Variants in MOSMO observed in about 807,000 individuals in gnomAD.
MOSMO encodes modulator of smoothened protein.
MOSMO carries 5 observed loss-of-function variants against 18.4 expected under a neutral mutation model. That is an observed-to-expected ratio of 0.27 (90% CI 0.14 to 0.57). The LOEUF (loss-of-function observed/expected upper bound fraction) is 0.57, where lower values mean the gene tolerates loss of function less well. MOSMO is among the 20% of genes least tolerant of loss of function. MOSMO has a pLI of 0.92. For synonymous variants in MOSMO, 82 were observed against 82.3 expected, an observed-to-expected ratio of 1.00 and a Z score of 0.02; for missense variants, 138 against 211.8, an observed-to-expected ratio of 0.65 and a Z score of 2.16.
chr16:22,008,277 G>C lies in MOSMO; in HGVS notation c.-25G>C. ...AGGCCGCTGCCTGTCCGGGGCTCGGGGGGTGGGGGGAGCGGGGCGGGGAGA... is the reference window on the plus strand; with the variant it reads ...AGGCCGCTGCCTGTCCGGGGCTCGGCGGGTGGGGGGAGCGGGGCGGGGAGA... On this transcript the variant is annotated 5_prime_UTR_variant, in exon 1 of 3. Coordinates refer to ENST00000542527, the MANE Select transcript of MOSMO (RefSeq NM_001164579.2). The C allele has an allele frequency of 6.8e-7, 1 of 1,469,426 alleles. No homozygotes were observed. The highest frequency in any genetic ancestry group is 9.1e-7 in the Non-Finnish European group (1 of 1,099,794). 91.0% of individuals were successfully genotyped at this position (1,469,426 alleles called of 1,614,324 possible). A position where few individuals can be genotyped will look rare whatever the true frequency, so the allele number is the denominator to read the frequency against.
intron 1 of MOSMO, among the ~76,000 whole-genome samples, chr16:22,069,365 T>C (rs905854900): frequency 2.0e-5 from 3 of 152,306 alleles, no homozygotes; most frequent in African/African-American, 7.2e-5. Flanking sequence ...AGAAGCAGTA[T>C]AATCCAGACC....
intron 1 of MOSMO, among the ~76,000 whole-genome samples, chr16:22,028,210 T>C (rs1899915658): frequency 6.6e-6 from 1 of 152,168 alleles, no homozygotes; most frequent in Non-Finnish European, 1.5e-5. Context: ...CGTGTGCGTA[T>C]GCATATATAT....
downstream of MOSMO, among the ~76,000 whole-genome samples, chr16:22,089,675 A>C (rs1436340201): frequency 7.1e-6 from 1 of 140,168 alleles, no homozygotes; most frequent in Non-Finnish European, 1.5e-5. Flanking sequence ...TACTGCTGAG[A>C]CATCAGTTGT....
chr16:22,044,767 G>C lies in MOSMO; in HGVS notation c.107-30720G>C, dbSNP rs528827907. On this transcript the variant is annotated intron_variant, in intron 1 of 2. Coordinates refer to ENST00000542527, the MANE Select transcript of MOSMO (RefSeq NM_001164579.2). The stretch of plus-strand genomic sequence containing the variant: ...TGGCAGATCCCCAGGCAGCCTTGCT[G>C]TATAGCTTACTGTCTCCTAACCATT... 3.4e-4 allele frequency among the ~76,000 whole-genome samples: 52 copies of C among 152,266 alleles called. No homozygotes were observed. In the South Asian group the frequency reaches 0.01, roughly 30 times the overall value.
chr16:22,090,655 G>A (rs1052059913), downstream of MOSMO, among the ~76,000 whole-genome samples: 4 of 152,172 alleles, frequency 2.6e-5, no homozygotes, highest in Admixed American at 6.5e-5. Flanking sequence ...ATGGGACCAC[G>A]CTAGAGCTCC....
intron 1 of MOSMO, among the ~76,000 whole-genome samples, chr16:22,054,421 G>A (rs1275352304): frequency 6.6e-6 from 1 of 152,098 alleles, no homozygotes; most frequent in Non-Finnish European, 1.5e-5. Flanking sequence ...TGTTGAGAAG[G>A]TATTTCACCT....
chr16:22,026,484 G>A (rs1899879481), intron 1 of MOSMO, among the ~76,000 whole-genome samples: 1 of 152,116 alleles, frequency 6.6e-6, no homozygotes, highest in African/African-American at 2.4e-5. Context: ...CTCCCAAAGA[G>A]CTGGGATTAC....
At chr16:22,032,571 G>T (rs1350144092) in intron 1 of MOSMO, among the ~76,000 whole-genome samples, 2 of 152,014 alleles carry the variant, frequency 1.3e-5, no homozygotes, top group Non-Finnish European at 2.9e-5. Context: ...TTTGAGACTA[G>T]GTATCACTCT....
intron 1 of MOSMO, among the ~76,000 whole-genome samples, chr16:22,040,919 G>A (rs61664388): frequency 0.061 from 9,327 of 152,108 alleles, 904 homozygotes; most frequent in African/African-American, 0.21. Flanking sequence ...AGCCAAGATC[G>A]CGCTACTGCA....
At chr16:22,026,564 TG>T (rs1400808970) in intron 1 of MOSMO, among the ~76,000 whole-genome samples, 2 of 152,148 alleles carry the variant, frequency 1.3e-5, no homozygotes, top group Non-Finnish European at 2.9e-5. Flanking sequence ...TAATTTAGGA[TG>T]TCTTATAGTG....
At chr16:22,075,278 T>G in intron 1 of MOSMO, 5 of 661,522 alleles carry the variant, frequency 7.6e-6, no homozygotes, top group Admixed American at 2.1e-5. Context: ...TCTGAGGTCA[T>G]TTGTTATTTT....
At chr16:22,033,651 T>TAA (rs954924996) in intron 1 of MOSMO, among the ~76,000 whole-genome samples, 1 of 145,962 alleles carries the variant, frequency 6.9e-6, no homozygotes, top group African/African-American at 2.5e-5. Flanking sequence ...CCGTCTCTAC[T>TAA]AAAAAAAAAA....
chr16:22,040,491 A>G (rs1362062808), intron 1 of MOSMO, among the ~76,000 whole-genome samples: 1 of 152,216 alleles, frequency 6.6e-6, no homozygotes, highest in African/African-American at 2.4e-5. Flanking sequence ...AATGATACCA[A>G]GATTTCCAAA....
At chr16:22,036,603 G>A (rs1367421238) in intron 1 of MOSMO, among the ~76,000 whole-genome samples, 3 of 152,018 alleles carry the variant, frequency 2.0e-5, no homozygotes, top group Non-Finnish European at 4.4e-5. Context: ...GTGCACTACC[G>A]TGCCCAGCTA....
At chr16:22,044,114 A>T (rs1376303754) in intron 1 of MOSMO, among the ~76,000 whole-genome samples, 1 of 152,128 alleles carries the variant, frequency 6.6e-6, no homozygotes, top group Admixed American at 6.5e-5. Context: ...TGATTCAATT[A>T]TCTCCCACCA....
intron 1 of MOSMO, among the ~76,000 whole-genome samples, chr16:22,017,589 G>C (rs1899666664): frequency 6.6e-6 from 1 of 152,078 alleles, no homozygotes; most frequent in African/African-American, 2.4e-5. Context: ...ACAAACTGAT[G>C]AAAAAGTAAT....
the MOSMO span, chr16:22,092,541 G>T: frequency 6.7e-7 from 1 of 1,486,292 alleles, no homozygotes; most frequent in Non-Finnish European, 9.1e-7. Flanking sequence ...CTTCGCTGCT[G>T]AGTTGCTTGG....
intron 1 of MOSMO, among the ~76,000 whole-genome samples, chr16:22,010,720 A>G (rs1322339713): frequency 6.6e-6 from 1 of 151,968 alleles, no homozygotes; most frequent in Non-Finnish European, 1.5e-5. Flanking sequence ...GGAGTTTGAG[A>G]CCATCCTGGC....
intron 1 of MOSMO, among the ~76,000 whole-genome samples, chr16:22,049,009 T>C (rs1900371041): frequency 6.6e-6 from 1 of 152,164 alleles, no homozygotes. Flanking sequence ...AATTCCTATA[T>C]ATATACTGGG....
Sources: gnomAD v4.1 joint callset for allele counts (sites outside exome capture counted in the v4.1 genomes callset) on GRCh38, gnomAD v4.1.1 for gene constraint, MANE v1.5 for transcripts, NCBI Gene and HGNC (gene_info 2026-07-23, HGNC 2026-07-21) for gene names.